NLRC5: variants seen among roughly 807,000 people sequenced by gnomAD.
NLRC5 encodes the protein NLR family CARD domain containing 5.
In NLRC5, 114 loss-of-function variants were observed where a neutral mutation model predicts 206.9. The ratio of observed to expected loss-of-function variants is 0.55; its 90% CI spans 0.47 to 0.64. NLRC5 has a LOEUF of 0.64. Among genes scored for constraint, NLRC5 ranks in the 30% least tolerant of loss-of-function variants. NLRC5 has a pLI of 0.00. For synonymous variants in NLRC5, 952 were observed against 962.8 expected, an observed-to-expected ratio of 0.99 and a Z score of 0.21; for missense variants, 2,008 against 2,305.5, an observed-to-expected ratio of 0.87 and a Z score of 2.64.
In NLRC5 at chr16:57,082,587, C is replaced by A; in HGVS notation, c.*59C>A. On this transcript the variant is annotated 3_prime_UTR_variant, in exon 49 of 49. Transcript: ENST00000688547. Reference sequence around the variant, plus strand: ...TGATGCACCCAAATGATCCACCTTTCGCCCACTGGGATAATTGACTCAGGA... The same window carrying A: ...TGATGCACCCAAATGATCCACCTTTAGCCCACTGGGATAATTGACTCAGGA... The A allele has an allele frequency of 7.7e-7, 1 of 1,300,708 alleles. No homozygotes were observed. The highest frequency in any genetic ancestry group is 1.2e-5 in the South Asian group (1 of 81,110). The allele number at this position is 1,300,708 out of a possible 1,614,324, so 80.6% of individuals were successfully genotyped here.
chr16:57,076,386 T>C (rs1305135358), intron 39 of NLRC5, among the ~76,000 whole-genome samples: 1 of 152,216 alleles, frequency 6.6e-6, no homozygotes, highest in African/African-American at 2.4e-5. Context: ...AAACCTACCA[T>C]TTGCATGGAT....
At chr16:57,054,448 G>A (rs2065332471) in intron 24 of NLRC5, among the ~76,000 whole-genome samples, 1 of 152,200 alleles carries the variant, frequency 6.6e-6, no homozygotes, top group African/African-American at 2.4e-5. Context: ...GCACCTGCAT[G>A]ATGTAATTAA....
At chr16:57,030,909 G>A (rs531151058) in intron 10 of NLRC5, among the ~76,000 whole-genome samples, 1 of 152,326 alleles carries the variant, frequency 6.6e-6, no homozygotes, top group East Asian at 1.9e-4. Flanking sequence ...AGGAGTTCGA[G>A]ACCAACCTGG....
At chr16:57,058,834 TC>T (rs1243521583) in intron 28 of NLRC5, 137 bp from the exon 29 acceptor site, 2 of 762,892 alleles carry the variant, frequency 2.6e-6, no homozygotes, top group Non-Finnish European at 4.6e-6. Flanking sequence ...CCTCAGTGTG[TC>T]CATCTGGAGA....
chr16:57,020,958 G>A lies in NLRC5; in HGVS notation c.246G>A (p.Val82=). Residue 82 remains valine, a synonymous_variant, in exon 3 of 49, where the codon GTG becomes GTA. Coordinates refer to ENST00000688547, the MANE Select transcript of NLRC5 (RefSeq NM_001384950.1). The part of the protein sequence containing the change: ...FIHCVCMQLE[V]PLDLEVLLLS... ...ATTGTGTGTGCATGCAGCTGGAGGT[G>A]CCTCTGGACCTGGAGGTGCTGCTGC... 1.2e-6 allele frequency: 2 copies of A among 1,613,996 alleles called. No individual in the cohort carries two copies. The highest frequency in any genetic ancestry group is 1.7e-6 in the Non-Finnish European group (2 of 1,179,996).
intron 27 of NLRC5, among the ~76,000 whole-genome samples, chr16:57,057,558 A>ATT (rs141564769): frequency 1.3e-5 from 2 of 151,776 alleles, no homozygotes; most frequent in Admixed American, 6.6e-5. Flanking sequence ...TCCTGCAAAC[A>ATT]TTTTTTTTTC....
At chr16:57,034,847 G>T (rs965045062) in intron 13 of NLRC5, 1 of 152,274 alleles carries the variant, frequency 6.6e-6, no homozygotes, top group East Asian at 1.9e-4. Context: ...GCTCTGTCAC[G>T]ACCCTAGGAG....
chr16:57,003,818 G>C (rs546462054), intron 1 of NLRC5: 1 of 152,318 alleles, frequency 6.6e-6, no homozygotes, highest in African/African-American at 2.4e-5. Context: ...CTTGGGCTCT[G>C]CTTCTAGGGA....
At position 57,026,287 on chromosome 16, in the gene NLRC5, C is replaced by T. The variant is rs753432434; in HGVS notation, c.1344C>T (p.Pro448=). Reference sequence around the variant, plus strand: ...TGCAGATGGTGCTCGCCCTCAGCCCCCCTGGGCACTTGCCCACCTCGTCCC... The same window carrying T: ...TGCAGATGGTGCTCGCCCTCAGCCCTCCTGGGCACTTGCCCACCTCGTCCC... The part of the protein sequence containing the change: ...LYMQMVLALS[P]PGHLPTSSLL... Residue 448 remains proline (P), a synonymous_variant, in exon 6 of 49, where the codon CCC becomes CCT. Coordinates refer to ENST00000688547, the MANE Select transcript of NLRC5 (RefSeq NM_001384950.1). The T allele has an allele frequency of 2.5e-6, 4 of 1,614,074 alleles. No homozygotes were observed. Among genetic ancestry groups the T allele is most frequent in the South Asian group, 2.2e-5 (2 of 91,086 alleles).
chr16:57,034,605 G>A (rs527481877), intron 13 of NLRC5: 49 of 196,586 alleles, frequency 2.5e-4, no homozygotes, highest in African/African-American at 1.0e-3. Context: ...AGTCTGGCTC[G>A]CAGCCTCATC....
chr16:57,014,741 TG>T (rs2059851859), intron 1 of NLRC5, among the ~76,000 whole-genome samples: 1 of 152,148 alleles, frequency 6.6e-6, no homozygotes, highest in Non-Finnish European at 1.5e-5. Flanking sequence ...GTAGACTGGG[TG>T]GCTTAAACAA....
chr16:57,064,457 C>T (rs1276589146), intron 32 of NLRC5, among the ~76,000 whole-genome samples: 1 of 152,154 alleles, frequency 6.6e-6, no homozygotes, highest in South Asian at 2.1e-4. Context: ...CCACCATGAA[C>T]ATTTAATATA....
rs547015642 is a variant in NLRC5 at position 57,042,077 on chromosome 16, G to C, written c.3113+12G>C. ...CTGCAGTCCTTGAAGTGAGTAGCCC[G>C]CTAGGCAGAGCCTCTGAGGCTGGGG... On this transcript the variant is annotated intron_variant, in intron 19 of 48. Coordinates refer to ENST00000688547, the MANE Select transcript of NLRC5 (RefSeq NM_001384950.1). The C allele has an allele frequency of 3.3e-6, 5 of 1,496,566 alleles. No individual in the cohort carries two copies. The Admixed American group carries it at 1.2e-4, about 37-fold the overall frequency. 92.7% of individuals were successfully genotyped at this position (1,496,566 alleles called of 1,614,324 possible). A position where few individuals can be genotyped will look rare whatever the true frequency, so the allele number is the denominator to read the frequency against.
At position 57,058,063 on chromosome 16, in the gene NLRC5, A is replaced by G. The variant is rs2065927331; in HGVS notation, c.3747-2A>G. On this transcript the variant is annotated splice_acceptor_variant, in intron 27 of 48. Coordinates refer to ENST00000688547, the MANE Select transcript of NLRC5 (RefSeq NM_001384950.1). LOFTEE classifies it high-confidence loss of function. The stretch of plus-strand genomic sequence containing the variant: ...CCCGCCACTGCTCCTTACCCCCTAC[A>G]GTCTCTCAGCAAACCTGCTGGGCGA... 3 of 1,611,398 alleles carry G rather than the reference A, an allele frequency of 1.9e-6. No homozygotes were observed. Among genetic ancestry groups the G allele is most frequent in the Non-Finnish European group, 2.5e-6 (3 of 1,178,826 alleles).
At chr16:57,049,158 G>C (rs1160933573) in intron 23 of NLRC5, among the ~76,000 whole-genome samples, 1 of 151,908 alleles carries the variant, frequency 6.6e-6, no homozygotes, top group Admixed American at 6.6e-5. Flanking sequence ...TTTTAAGAAA[G>C]TTTACGAATT....
At chr16:57,045,767 G>T (rs535702479) in intron 21 of NLRC5, among the ~76,000 whole-genome samples, 2 of 152,246 alleles carry the variant, frequency 1.3e-5, no homozygotes, top group African/African-American at 4.8e-5. Context: ...GCAGGTGCCC[G>T]CAGATTGCTG....
intron 38 of NLRC5, among the ~76,000 whole-genome samples, chr16:57,073,206 T>C (rs1365134471): frequency 6.6e-6 from 1 of 152,200 alleles, no homozygotes; most frequent in Non-Finnish European, 1.5e-5. Flanking sequence ...CCAGGCACCA[T>C]GTGCTGCTCC....
intron 28 of NLRC5, among the ~76,000 whole-genome samples, chr16:57,058,663 G>A (rs775139921): frequency 3.9e-5 from 6 of 152,200 alleles, no homozygotes; most frequent in South Asian, 2.1e-4. Flanking sequence ...ACTGAGCTTC[G>A]TGCTCGGGAG....
In NLRC5 at chr16:57,024,749, C is replaced by G. The variant is rs75503693; in HGVS notation, c.425-619C>G. Among the ~76,000 whole-genome samples, 6,663 of 152,280 alleles carry G rather than the reference C, an allele frequency of 0.044. 1,076 individuals carry two copies. In the East Asian group the frequency reaches 0.56, roughly 13 times the overall value. On this transcript the variant is annotated intron_variant, in intron 5 of 48. Transcript: ENST00000688547. ...AAGTAGCTGGGCGCGGTGGCTCACA[C>G]CTGTAATCCCAGCACTTTGGAGGGC...
Sources: allele counts gnomAD v4.1 joint callset (sites outside exome capture counted in the v4.1 genomes callset), GRCh38; gene constraint gnomAD v4.1.1; transcripts MANE v1.5; gene names NCBI Gene and HGNC (gene_info 2026-07-23, HGNC 2026-07-21).